Variants in LRGUK observed in about 807,000 individuals in gnomAD.
LRGUK encodes leucine rich repeats and guanylate kinase domain containing, also known as leucine-rich repeat and guanylate kinase domain-containing protein.
Under a neutral mutation model 76.0 loss-of-function variants are expected in LRGUK, and 65 were observed. The ratio of observed to expected loss-of-function variants is 0.85; its 90% CI spans 0.70 to 1.05. LRGUK has a LOEUF of 1.05. Ranked by LOEUF, LRGUK falls within the 50% of genes least tolerant of loss-of-function variation. The pLI is 0.00. For missense variants in LRGUK, 758 were observed against 732.8 expected (o/e 1.03, Z -0.40); for synonymous variants, 268 against 265.6 (o/e 1.01, Z -0.09).
chr7:134,225,831 G>T (rs1801728171), intron 16 of LRGUK, among the ~76,000 whole-genome samples: 1 of 152,168 alleles, frequency 6.6e-6, no homozygotes, highest in African/African-American at 2.4e-5. Context: ...ACCTTTCTGA[G>T]ACCATCACAA....
At chr7:134,257,106 C>T (rs780907198) in intron 18 of LRGUK, among the ~76,000 whole-genome samples, 9 of 152,132 alleles carry the variant, frequency 5.9e-5, no homozygotes, top group Non-Finnish European at 8.8e-5. Flanking sequence ...GGCATGACTT[C>T]CATGTTTAGT....
At chr7:134,135,961 C>A (rs1797522914) in intron 1 of LRGUK, among the ~76,000 whole-genome samples, 1 of 152,184 alleles carries the variant, frequency 6.6e-6, no homozygotes, top group Admixed American at 6.5e-5. Flanking sequence ...CGGCAAGAAG[C>A]TCTTTATCAT....
At chr7:134,205,447 G>C (rs1253686409) in intron 15 of LRGUK, among the ~76,000 whole-genome samples, 2 of 152,084 alleles carry the variant, frequency 1.3e-5, no homozygotes, top group Non-Finnish European at 2.9e-5. Flanking sequence ...TCACCTCATT[G>C]CTCCTGCTCT....
At chr7:134,183,632 G>T in intron 10 of LRGUK, 102 bp from the exon 11 acceptor site, 2 of 1,307,272 alleles carry the variant, frequency 1.5e-6, no homozygotes, top group Non-Finnish European at 2.1e-6. Context: ...GTCTTATATA[G>T]CAAGTGCTCA....
At chr7:134,251,534 C>G (rs1427542869) in intron 18 of LRGUK, among the ~76,000 whole-genome samples, 4 of 152,192 alleles carry the variant, frequency 2.6e-5, no homozygotes, top group Admixed American at 2.0e-4. Flanking sequence ...GCAGCCGGAG[C>G]AAACTAATAC....
chr7:134,157,251 C>G (rs1196521497), intron 5 of LRGUK, among the ~76,000 whole-genome samples: 1 of 152,186 alleles, frequency 6.6e-6, no homozygotes, highest in Non-Finnish European at 1.5e-5. Context: ...CTGTTCCTTT[C>G]TCTAACAGGG....
intron 5 of LRGUK, among the ~76,000 whole-genome samples, chr7:134,153,332 G>A (rs1028570594): frequency 1.3e-5 from 2 of 151,878 alleles, no homozygotes; most frequent in Non-Finnish European, 2.9e-5. Context: ...ATGCTATTTT[G>A]TCTTTCCATA....
chr7:134,192,560 AAC>A (rs1250341706), intron 12 of LRGUK, among the ~76,000 whole-genome samples: 2 of 152,208 alleles, frequency 1.3e-5, no homozygotes, highest in African/African-American at 4.8e-5. Flanking sequence ...TCTTCAAAAC[AAC>A]TTATATGTTC....
intron 15 of LRGUK, among the ~76,000 whole-genome samples, chr7:134,218,864 A>G (rs1801504486): frequency 6.6e-6 from 1 of 152,218 alleles, no homozygotes; most frequent in Non-Finnish European, 1.5e-5. Context: ...GTAATTTGAA[A>G]CATGGTTCCA....
downstream of LRGUK, among the ~76,000 whole-genome samples, chr7:134,213,153 A>T (rs183691427): frequency 6.6e-6 from 1 of 152,298 alleles, no homozygotes; most frequent in Non-Finnish European, 1.5e-5. Flanking sequence ...GGAGAGATGC[A>T]GGTCTATATA....
intron 16 of LRGUK, among the ~76,000 whole-genome samples, chr7:134,245,220 T>C (rs1437732604): frequency 6.6e-6 from 1 of 152,038 alleles, no homozygotes; most frequent in Non-Finnish European, 1.5e-5. Context: ...CAAAAATAAA[T>C]AAATAAAAAG....
At chr7:134,168,234 G>T (rs545832157) in intron 7 of LRGUK, among the ~76,000 whole-genome samples, 3 of 152,046 alleles carry the variant, frequency 2.0e-5, no homozygotes, top group Non-Finnish European at 4.4e-5. Context: ...GCATGGTGAC[G>T]TGTGCCTGTA....
intron 3 of LRGUK, among the ~76,000 whole-genome samples, chr7:134,141,368 A>T (rs531967196): frequency 2.0e-5 from 3 of 152,148 alleles, no homozygotes; most frequent in East Asian, 3.9e-4. Context: ...GGAAATTTGC[A>T]TTTCGAATAA....
Position 134,157,923 on chromosome 7 carries a change from G to A in LRGUK, c.671-112G>A, listed in dbSNP as rs543604903. ...CTCATCCTATATTGGGCATATAATC[G>A]TTCTTTATTTAAGCTGTGGTCTGCT... On this transcript the variant is annotated intron_variant, in intron 5 of 15. Transcript: ENST00000645682. The A allele has an allele frequency of 5.0e-6, 4 of 798,028 alleles. No individual in the cohort carries two copies. In the East Asian group the frequency reaches 7.8e-5, roughly 16 times the overall value. The allele number at this position is 798,028 out of a possible 1,614,324, so 49.4% of individuals were successfully genotyped here. A position where few individuals can be genotyped will look rare whatever the true frequency, so the allele number is the denominator to read the frequency against.
chr7:134,188,735 C>A (rs1177642353), intron 11 of LRGUK, among the ~76,000 whole-genome samples: 1 of 152,146 alleles, frequency 6.6e-6, no homozygotes, highest in Non-Finnish European at 1.5e-5. Context: ...GCTTTTGTGG[C>A]TACCCATTGA....
chr7:134,178,415 C>A (rs1799575081), intron 9 of LRGUK, 88 bp from the exon 10 acceptor site: 2 of 929,892 alleles, frequency 2.2e-6, no homozygotes, highest in African/African-American at 1.7e-5. Context: ...TGCACGTGAA[C>A]AACATTTCAT....
intron 5 of LRGUK, among the ~76,000 whole-genome samples, chr7:134,154,324 C>T (rs1038706191): frequency 3.3e-5 from 5 of 152,124 alleles, no homozygotes; most frequent in South Asian, 4.2e-4. Flanking sequence ...TGAAAGAACA[C>T]GAATAATGTT....
intron 1 of LRGUK, among the ~76,000 whole-genome samples, chr7:134,130,772 A>G (rs1000836154): frequency 7.2e-5 from 11 of 152,230 alleles, no homozygotes; most frequent in Non-Finnish European, 1.6e-4. Context: ...TGAGGGAGGC[A>G]GTATGGACCA....
intron 7 of LRGUK, among the ~76,000 whole-genome samples, chr7:134,169,435 A>AAACCCT (rs1799153693): frequency 6.6e-6 from 1 of 152,180 alleles, no homozygotes; most frequent in Admixed American, 6.5e-5. Context: ...TTTGTTATGG[A>AAACCCT]AACCCTAGAA....
Sources: allele counts gnomAD v4.1 joint callset (sites outside exome capture counted in the v4.1 genomes callset), GRCh38; gene constraint gnomAD v4.1.1; transcripts MANE v1.5; gene names NCBI Gene and HGNC (gene_info 2026-07-23, HGNC 2026-07-21).